The following ATRN variants were observed in gnomAD, a reference collection of about 807,000 sequenced individuals.
ATRN encodes the protein attractin-2.
In ATRN, 54 loss-of-function variants were observed where a neutral mutation model predicts 178.7. The observed-to-expected ratio is 0.30, with a 90% CI of 0.24 to 0.38. The LOEUF is 0.38. Among genes scored for constraint, ATRN ranks in the 10% least tolerant of loss-of-function variants. The pLI is 1.00. For missense variants in ATRN, 1,443 were observed against 1,815.1 expected (o/e 0.79, Z 3.73); for synonymous variants, 636 against 663.0 (o/e 0.96, Z 0.63).
At chr20:3,477,789 T>C (rs2084549735) in intron 1 of ATRN, among the ~76,000 whole-genome samples, 1 of 152,242 alleles carries the variant, frequency 6.6e-6, no homozygotes, top group African/African-American at 2.4e-5. Flanking sequence ...GTAATTTACT[T>C]CTTATGACTT....
chr20:3,592,223 A>G (rs2086456867), intron 19 of ATRN, among the ~76,000 whole-genome samples: 1 of 152,158 alleles, frequency 6.6e-6, no homozygotes, highest in South Asian at 2.1e-4. Flanking sequence ...AACATGGTGA[A>G]ACCCCATCTC....
chr20:3,606,978 A>C (rs1367748859), intron 24 of ATRN, among the ~76,000 whole-genome samples: 1 of 152,156 alleles, frequency 6.6e-6, no homozygotes, highest in Non-Finnish European at 1.5e-5. Flanking sequence ...TTATTTGTGG[A>C]GATACTTTTT....
intron 1 of ATRN, among the ~76,000 whole-genome samples, chr20:3,519,704 C>A (rs1439622208): frequency 3.3e-5 from 5 of 151,916 alleles, no homozygotes; most frequent in African/African-American, 1.2e-4. Flanking sequence ...TCTGTGTAAC[C>A]AGAAACTATC....
chr20:3,530,827 A>AT (rs2085443397), intron 1 of ATRN, among the ~76,000 whole-genome samples: 1 of 152,122 alleles, frequency 6.6e-6, no homozygotes. Context: ...GTCTGGTAAT[A>AT]ATACTGGTAA....
intron 19 of ATRN, chr20:3,592,419 A>G (rs2086460911): frequency 7.1e-6 from 7 of 982,726 alleles, no homozygotes; most frequent in Non-Finnish European, 6.0e-6. Context: ...AAAAAAGAAA[A>G]AAAAAAAAGT....
intron 1 of ATRN, chr20:3,489,863 GCGTTTGCCATC>G (rs2084760090): frequency 7.8e-7 from 1 of 1,283,864 alleles, no homozygotes; most frequent in South Asian, 1.2e-5. Flanking sequence ...AGTAGGGAAT[GCGTTTGCCATC>G]CCAGCCAAGT....
chr20:3,627,452 TATAA>T (rs1324718440), intron 25 of ATRN, among the ~76,000 whole-genome samples: 1 of 151,990 alleles, frequency 6.6e-6, no homozygotes, highest in African/African-American at 2.4e-5. Flanking sequence ...GAAAGAAAAA[TATAA>T]ATAAGAGCAA....
At chr20:3,499,086 G>A in intron 1 of ATRN, among the ~76,000 whole-genome samples, 1 of 97,720 alleles carries the variant, frequency 1.0e-5, no homozygotes, top group African/African-American at 4.9e-5. Flanking sequence ...ATTCACAATT[G>A]CTTCAAAGAG....
intron 24 of ATRN, among the ~76,000 whole-genome samples, chr20:3,619,822 C>T (rs1195912665): frequency 1.3e-5 from 2 of 152,172 alleles, no homozygotes; most frequent in Admixed American, 6.5e-5. Flanking sequence ...GATCTTCAGT[C>T]GCTGACTGCT....
intron 26 of ATRN, among the ~76,000 whole-genome samples, chr20:3,637,492 A>G (rs1424908545): frequency 6.6e-6 from 1 of 152,220 alleles, no homozygotes; most frequent in Non-Finnish European, 1.5e-5. Flanking sequence ...AAATATTTAT[A>G]AAAATGCCCT....
chr20:3,493,082 TTAA>T (rs2084828719), intron 1 of ATRN, among the ~76,000 whole-genome samples: 1 of 145,020 alleles, frequency 6.9e-6, no homozygotes. Flanking sequence ...TATATATAAT[TTAA>T]TATATATAAT....
Position 3,604,095 on chromosome 20 carries a change from C to A in ATRN, c.3644-10C>A. On this transcript the variant is annotated splice_polypyrimidine_tract_variant and intron_variant, in intron 23 of 28. Coordinates refer to ENST00000262919, the MANE Select transcript of ATRN (RefSeq NM_139321.3). ...AATGTCTCTTCTCTTTCATGTTTTT[C>A]TTTTAACAGCTGGAACCCAGGCTGG... is the stretch of plus-strand genomic sequence containing the variant. 6.4e-7 allele frequency: 1 copy of A among 1,565,014 alleles called. No individual in the cohort carries two copies. The highest frequency in any genetic ancestry group is 1.2e-5 in the South Asian group (1 of 82,142).
intron 1 of ATRN, among the ~76,000 whole-genome samples, chr20:3,521,927 A>G (rs1186324514): frequency 6.6e-6 from 1 of 151,704 alleles, no homozygotes; most frequent in Non-Finnish European, 1.5e-5. Flanking sequence ...GACTACAGGT[A>G]CACTCTACCA....
In ATRN at chr20:3,471,074, T is replaced by A. The variant is rs1157383783; in HGVS notation, c.-34T>A. On this transcript the variant is annotated 5_prime_UTR_variant, in exon 1 of 29. The change abolishes an upstream ATG in the 5' untranslated region. Transcript: ENST00000262919. The stretch of plus-strand genomic sequence containing the variant: ...GAGCCGGCCGTGCGGTGTGTGTGTA[T>A]GTGTTCGCGGGGCGCCGTCTCAGCC... 2 of 1,500,274 alleles carry A rather than the reference T, an allele frequency of 1.3e-6. No individual in the cohort carries two copies. Among genetic ancestry groups the A allele is most frequent in the Non-Finnish European group, 1.8e-6 (2 of 1,131,554 alleles). 92.9% of individuals were successfully genotyped at this position (1,500,274 alleles called of 1,614,324 possible).
rs2086293437 is a variant in ATRN at position 3,582,364 on chromosome 20, C to T, written c.2764+10C>T. The T allele has an allele frequency of 6.2e-7, 1 of 1,611,110 alleles. No individual in the cohort carries two copies. The highest frequency in any genetic ancestry group is 8.5e-7 in the Non-Finnish European group (1 of 1,179,092). ...GTCTGTGAAAGGCCTGGTAAGTTCA[C>T]AGGTGAATTAGGTGGTATTCAGAGT... On this transcript the variant is annotated intron_variant, in intron 16 of 28. Coordinates refer to ENST00000262919, the MANE Select transcript of ATRN (RefSeq NM_139321.3).
intron 4 of ATRN, among the ~76,000 whole-genome samples, chr20:3,546,300 A>G (rs1156953952): frequency 6.6e-6 from 1 of 151,728 alleles, no homozygotes; most frequent in Non-Finnish European, 1.5e-5. Context: ...TTGATAGTCC[A>G]TTTATCCCCC....
intron 6 of ATRN, among the ~76,000 whole-genome samples, chr20:3,557,124 C>T (rs955589542): frequency 6.6e-6 from 1 of 152,044 alleles, no homozygotes; most frequent in Admixed American, 6.5e-5. Flanking sequence ...CTTTCATAGC[C>T]AGAATTCCAA....
In ATRN at chr20:3,549,204, G is replaced by A; in HGVS notation, c.978G>A (p.Gln326=). The A allele has an allele frequency of 6.2e-7, 1 of 1,610,384 alleles. No homozygotes were observed. Among genetic ancestry groups the A allele is most frequent in the Non-Finnish European group, 8.5e-7 (1 of 1,178,876 alleles). Residue 326 remains glutamine, a synonymous_variant, in exon 6 of 29, where the codon CAG becomes CAA. Coordinates refer to ENST00000262919, the MANE Select transcript of ATRN (RefSeq NM_139321.3). ...GTTCAGTTCCTGTACCAGCTAACCAGTCATTTTGGACTCGAGAGGAATATT... is the reference window on the plus strand; with the variant it reads ...GTTCAGTTCCTGTACCAGCTAACCAATCATTTTGGACTCGAGAGGAATATT... ...PGCSVPVPAN[Q]SFWTREEYSN... is the part of the protein sequence containing the mutation.
intron 1 of ATRN, among the ~76,000 whole-genome samples, chr20:3,532,911 C>T (rs973992440): frequency 3.3e-5 from 5 of 152,138 alleles, no homozygotes; most frequent in Admixed American, 6.5e-5. Context: ...TACAGGCGCC[C>T]ACCACCACGC....
Sources: gnomAD v4.1 joint callset for allele counts (sites outside exome capture counted in the v4.1 genomes callset) on GRCh38, gnomAD v4.1.1 for gene constraint, MANE v1.5 for transcripts, NCBI Gene and HGNC (gene_info 2026-07-23, HGNC 2026-07-21) for gene names.